Variants in SRGAP2C observed in about 807,000 individuals in gnomAD.
The protein encoded by SRGAP2C is SLIT-ROBO Rho GTPase-activating protein 2C.
Under a neutral mutation model 25.1 loss-of-function variants are expected in SRGAP2C, and 15 were observed. That is an observed-to-expected ratio of 0.60 (90% confidence interval 0.40 to 0.92). The LOEUF (loss-of-function observed/expected upper bound fraction) is 0.92, where lower values mean the gene tolerates loss of function less well. Among genes scored for constraint, SRGAP2C ranks in the 40% least tolerant of loss-of-function variants. The pLI, the probability that SRGAP2C is intolerant of heterozygous loss-of-function variation, is 0.00. For missense variants in SRGAP2C, 144 were observed against 264.4 expected (o/e 0.54, Z 3.16); for synonymous variants, 44 against 96.6 (o/e 0.46, Z 3.19).
chr1:121,324,425 T>A (rs2101610461), intron 3 of SRGAP2C, 53 bp from the exon 4 acceptor site: 1 of 1,557,076 alleles, frequency 6.4e-7, no homozygotes, highest in East Asian at 2.2e-5. Flanking sequence ...GTTGTAGATG[T>A]TGCCCTGGCT....
intron 3 of SRGAP2C, among the ~76,000 whole-genome samples, chr1:121,321,697 C>A (rs1658207387): frequency 6.6e-6 from 1 of 150,922 alleles, no homozygotes; most frequent in East Asian, 1.9e-4. Flanking sequence ...GTGAGCCACA[C>A]CTTACAAGTT....
intron 3 of SRGAP2C, among the ~76,000 whole-genome samples, chr1:121,322,059 T>C (rs1242404736): frequency 1.5e-4 from 23 of 149,752 alleles, no homozygotes; most frequent in Non-Finnish European, 2.5e-4. Flanking sequence ...AAGATACAAA[T>C]GTGTGTACAT....
chr1:121,324,519 T>C lies in SRGAP2C; in HGVS notation c.302T>C (p.Leu101Pro). 3 of 1,613,358 alleles carry C rather than the reference T, an allele frequency of 1.9e-6. No homozygotes were observed. The highest frequency in any genetic ancestry group is 2.5e-6 in the Non-Finnish European group (3 of 1,179,366). Residue 101 changes from leucine (L) to proline (P), a missense_variant, in exon 4 of 10, where the codon CTC becomes CCC. Physicochemically the swap from Leu to Pro is moderately conservative, Grantham distance 98. Around this residue, in one of 5 missense-constraint regions of SRGAP2C, gnomAD observed 61 missense variants for 61.7 expected, o/e 0.99. Transcript: ENST00000367123. ...CTCTCTCCAGTCAACTGCTGGAATC[T>C]CCTCTTAAACCAGGTGAAGTGGGAA... ...NVLSPVNCWN[L>P]LLNQVKWESR...
At chr1:121,298,026 TGTCAG>T (rs1261955203) in intron 3 of SRGAP2C, among the ~76,000 whole-genome samples, 1 of 151,988 alleles carries the variant, frequency 6.6e-6, no homozygotes, top group Non-Finnish European at 1.5e-5. Context: ...CTGGGTAATA[TGTCAG>T]TTTCCATTTT....
chr1:121,322,777 A>C (rs1467456931), intron 3 of SRGAP2C, among the ~76,000 whole-genome samples: 17 of 151,170 alleles, frequency 1.1e-4, no homozygotes, highest in African/African-American at 4.1e-4. Context: ...ACTACTATAG[A>C]ATTGGAAAAG....
intron 2 of SRGAP2C, among the ~76,000 whole-genome samples, chr1:121,211,308 A>G (rs1553323609): frequency 6.8e-6 from 1 of 148,014 alleles, no homozygotes; most frequent in African/African-American, 2.5e-5. Flanking sequence ...TAAGGTCTTG[A>G]TGGAGATGAA....
At chr1:121,279,340 T>C (rs1657190019) in intron 2 of SRGAP2C, among the ~76,000 whole-genome samples, 1 of 149,532 alleles carries the variant, frequency 6.7e-6, no homozygotes, top group African/African-American at 2.5e-5. Context: ...GATCTCTGGA[T>C]TCAAAGCAAT....
In SRGAP2C at chr1:121,391,800, C is replaced by A. The variant is rs1660097953; in HGVS notation, c.*3945C>A. The A allele has an allele frequency of 6.6e-6, 1 of 152,308 alleles. No individual in the cohort carries two copies. Among genetic ancestry groups the A allele is most frequent in the Non-Finnish European group, 1.5e-5 (1 of 68,054 alleles). 9.4% of individuals were successfully genotyped at this position (152,308 alleles called of 1,614,324 possible). ...AATGTCCAGTTTTCAAAAAACGTTA[C>A]AAGGCATACAAAGAATGGGAAAGTG... is the stretch of plus-strand genomic sequence containing the variant. On this transcript the variant is annotated 3_prime_UTR_variant, in exon 10 of 10. Coordinates refer to ENST00000367123, the MANE Select transcript of SRGAP2C (RefSeq NM_001329984.2).
intron 4 of SRGAP2C, among the ~76,000 whole-genome samples, chr1:121,329,815 G>T (rs1553342068): frequency 6.6e-6 from 1 of 152,160 alleles, no homozygotes; most frequent in African/African-American, 2.4e-5. Flanking sequence ...GAAGAAAGTA[G>T]CCTCCTGTTC....
rs1660107380 is a variant in SRGAP2C at position 121,392,025 on chromosome 1, A to T, written c.*4170A>T. ...TCAGCAAAGAGATAACAAATTCTGG[A>T]GTGGAAAACTACAATGATAAAAATT... On this transcript the variant is annotated 3_prime_UTR_variant, in exon 10 of 10. Transcript: ENST00000367123. 1 of 152,168 alleles carries T rather than the reference A, an allele frequency of 6.6e-6. No homozygotes were observed. Among genetic ancestry groups the T allele is most frequent in the Non-Finnish European group, 1.5e-5 (1 of 68,002 alleles). The allele number at this position is 152,168 out of a possible 1,614,324, so 9.4% of individuals were successfully genotyped here.
chr1:121,230,851 A>C (rs1479918089), intron 2 of SRGAP2C, among the ~76,000 whole-genome samples: 2 of 152,124 alleles, frequency 1.3e-5, no homozygotes, highest in Non-Finnish European at 2.9e-5. Context: ...AATACTATGC[A>C]GCCATAAAAA....
At chr1:121,228,447 A>T (rs1553326952) in intron 2 of SRGAP2C, among the ~76,000 whole-genome samples, 1 of 147,726 alleles carries the variant, frequency 6.8e-6, no homozygotes, top group Non-Finnish European at 1.5e-5. Flanking sequence ...AATTAACAGC[A>T]CTTGTTATTT....
At chr1:121,235,063 C>G (rs1283779700) in intron 2 of SRGAP2C, among the ~76,000 whole-genome samples, 2 of 145,732 alleles carry the variant, frequency 1.4e-5, no homozygotes, top group East Asian at 2.0e-4. Flanking sequence ...GCTCCGTCCC[C>G]CAGGCTGGAG....
At chr1:121,208,171 C>T (rs587621723) in intron 2 of SRGAP2C, among the ~76,000 whole-genome samples, 14 of 152,318 alleles carry the variant, frequency 9.2e-5, no homozygotes, top group South Asian at 2.1e-4. Context: ...TTATTTGCTG[C>T]AACAGAAGAA....
At chr1:121,263,618 C>G (rs1656687891) in intron 2 of SRGAP2C, among the ~76,000 whole-genome samples, 1 of 151,524 alleles carries the variant, frequency 6.6e-6, no homozygotes, top group African/African-American at 2.4e-5. Context: ...CTGAGTTCAC[C>G]AGCTCCAGGC....
chr1:121,315,559 C>G (rs2101601732), intron 3 of SRGAP2C, among the ~76,000 whole-genome samples: 1 of 151,676 alleles, frequency 6.6e-6, no homozygotes, highest in Admixed American at 6.6e-5. Flanking sequence ...CCACTCAGCC[C>G]TTTAAAGTTT....
chr1:121,280,212 A>G (rs1189143022), intron 2 of SRGAP2C, among the ~76,000 whole-genome samples: 1 of 145,798 alleles, frequency 6.9e-6, no homozygotes, highest in East Asian at 2.1e-4. Flanking sequence ...GGAACCTTTT[A>G]AAAAAATTGG....
chr1:121,280,969 CTCTT>C (rs1657228587), intron 2 of SRGAP2C, among the ~76,000 whole-genome samples: 2 of 134,692 alleles, frequency 1.5e-5, no homozygotes, highest in African/African-American at 5.6e-5. Flanking sequence ...TTTAAATTGC[CTCTT>C]TCTTCTTTCT....
chr1:121,281,273 T>G (rs1657236350), intron 2 of SRGAP2C, among the ~76,000 whole-genome samples: 1 of 151,630 alleles, frequency 6.6e-6, no homozygotes, highest in South Asian at 2.1e-4. Context: ...CCTGTATGGA[T>G]GCTTTGAAGA....
Sources: gnomAD v4.1 joint callset for allele counts (sites outside exome capture counted in the v4.1 genomes callset) on GRCh38, gnomAD v4.1.1 for gene constraint, gnomAD v4.1.1 regional missense constraint, MANE v1.5 for transcripts, NCBI Gene and HGNC (gene_info 2026-07-23, HGNC 2026-07-21) for gene names.